The following CSMD1 variants were observed in gnomAD, a reference collection of about 807,000 sequenced individuals.
CSMD1 encodes the protein CUB and sushi domain-containing protein 1.
Under a neutral mutation model 417.5 loss-of-function variants are expected in CSMD1, and 213 were observed. That is an observed-to-expected ratio of 0.51 (90% CI 0.46 to 0.57). CSMD1 has a LOEUF of 0.57. CSMD1 is among the 20% of genes least tolerant of loss of function. CSMD1 has a pLI of 0.00. For missense variants in CSMD1, 6,923 were observed against 4,529.7 expected (o/e 1.53, Z -15.17); for synonymous variants, 2,862 against 1,736.8 (o/e 1.65, Z -16.11).
chr8:4,720,039 T>A (rs770325030), intron 1 of CSMD1, among the ~76,000 whole-genome samples: 1 of 152,082 alleles, frequency 6.6e-6, no homozygotes, highest in African/African-American at 2.4e-5. Flanking sequence ...TTAAATATTT[T>A]AAAGAAATTA....
chr8:3,586,308 A>C, intron 8 of CSMD1, 48 bp from the exon 9 acceptor site: 2 of 1,485,886 alleles, frequency 1.3e-6, no homozygotes, highest in Non-Finnish European at 1.8e-6. Context: ...TTTACAGAAG[A>C]CTTCTTTAGG....
intron 27 of CSMD1, among the ~76,000 whole-genome samples, chr8:3,229,335 G>A (rs1798693673): frequency 6.6e-6 from 1 of 152,104 alleles, no homozygotes; most frequent in Non-Finnish European, 1.5e-5. Context: ...AGACTTAGAT[G>A]ATATACTCTA....
intron 12 of CSMD1, among the ~76,000 whole-genome samples, chr8:3,433,214 A>T (rs1208125083): frequency 6.6e-6 from 1 of 152,222 alleles, no homozygotes; most frequent in East Asian, 1.9e-4. Context: ...GTGGAACTAC[A>T]GTTGTTGACA....
intron 3 of CSMD1, among the ~76,000 whole-genome samples, chr8:4,063,434 T>A (rs1158324713): frequency 1.3e-5 from 2 of 152,198 alleles, no homozygotes; most frequent in Non-Finnish European, 2.9e-5. Flanking sequence ...ATTAAATGAA[T>A]ACAATGTCCT....
At chr8:4,364,571 T>C (rs1296077881) in intron 3 of CSMD1, among the ~76,000 whole-genome samples, 1 of 17,192 alleles carries the variant, frequency 5.8e-5, no homozygotes. Context: ...ACGCCTGTAA[T>C]CCCAGCACTT....
At chr8:4,775,892 G>C (rs1405435894) in intron 1 of CSMD1, among the ~76,000 whole-genome samples, 2 of 152,184 alleles carry the variant, frequency 1.3e-5, no homozygotes, top group Admixed American at 6.5e-5. Flanking sequence ...AAGGCAGAGA[G>C]AGGACAAGTT....
intron 5 of CSMD1, among the ~76,000 whole-genome samples, chr8:3,768,459 C>T (rs1424752829): frequency 6.6e-6 from 1 of 151,930 alleles, no homozygotes; most frequent in Non-Finnish European, 1.5e-5. Flanking sequence ...AATATATTTC[C>T]AACATATTTT....
At chr8:3,864,129 A>C (rs567786004) in intron 5 of CSMD1, among the ~76,000 whole-genome samples, 1 of 152,338 alleles carries the variant, frequency 6.6e-6, no homozygotes, top group African/African-American at 2.4e-5. Context: ...ATTTTAAAAA[A>C]AAATGTGACC....
At chr8:4,149,573 C>T (rs893731128) in intron 3 of CSMD1, among the ~76,000 whole-genome samples, 11 of 152,150 alleles carry the variant, frequency 7.2e-5, no homozygotes, top group East Asian at 1.9e-4. Context: ...GATCAAAATC[C>T]GAACCAGATT....
chr8:4,031,928 T>C lies in CSMD1; in HGVS notation c.587A>G (p.Asp196Gly). 6.2e-7 allele frequency: 1 copy of C among 1,613,696 alleles called. No homozygotes were observed. The highest frequency in any genetic ancestry group is 8.5e-7 in the Non-Finnish European group (1 of 1,179,798). ...ACCTCTGCAAAAGGGAGCTGGGAAG[T>C]CCCACGATGCACCATTTCCTGGGCT... ...IVSPGNGASW[D>G]FPAPFCRAEG... The change falls in exon 4 of 70, where the codon GAC (aspartate) becomes GGC (glycine). Residue 196 changes from aspartate to glycine, a missense_variant. Physicochemically the swap from Asp to Gly is moderately conservative, Grantham distance 94. Transcript: ENST00000635120.
chr8:4,713,330 G>T (rs1399820095), intron 1 of CSMD1, among the ~76,000 whole-genome samples: 1 of 152,130 alleles, frequency 6.6e-6, no homozygotes, highest in African/African-American at 2.4e-5. Context: ...CCGGTGGTGT[G>T]GTGTCTTGCC....
At chr8:3,305,490 A>C (rs1045108276) in intron 25 of CSMD1, among the ~76,000 whole-genome samples, 14 of 151,916 alleles carry the variant, frequency 9.2e-5, no homozygotes, top group Admixed American at 2.6e-4. Context: ...TTATCATGGG[A>C]GTGGGTTAGC....
chr8:4,168,093 C>T (rs954738649), intron 3 of CSMD1, among the ~76,000 whole-genome samples: 1 of 151,760 alleles, frequency 6.6e-6, no homozygotes, highest in South Asian at 2.1e-4. Flanking sequence ...CGCACCACTG[C>T]TCTCCAGCTT....
intron 11 of CSMD1, among the ~76,000 whole-genome samples, chr8:3,478,120 A>T (rs1040126228): frequency 2.0e-5 from 3 of 152,242 alleles, no homozygotes; most frequent in Non-Finnish European, 4.4e-5. Flanking sequence ...CGCCTCACTC[A>T]AGTATGGCAG....
chr8:4,788,943 T>G lies in CSMD1; in HGVS notation c.86-151385A>C, dbSNP rs564176916. 1.2e-4 allele frequency among the ~76,000 whole-genome samples: 19 copies of G among 152,302 alleles called. No homozygotes were observed. The South Asian group carries it at 3.3e-3, about 27-fold the overall frequency. On this transcript the variant is annotated intron_variant, in intron 1 of 69. Transcript: ENST00000635120. Reference sequence around the variant, plus strand: ...GCATATGAGAAGGACAGACTGTAGATGCAGAGTTCTGACATGAACTGAGAT... The same window carrying G: ...GCATATGAGAAGGACAGACTGTAGAGGCAGAGTTCTGACATGAACTGAGAT...
intron 60 of CSMD1, 62 bp downstream of exon 60, chr8:2,963,160 C>T (rs922995): frequency 6.4e-7 from 1 of 1,565,474 alleles, no homozygotes; most frequent in Non-Finnish European, 8.8e-7. Flanking sequence ...AGGATGTGCC[C>T]TGGTTATCCG....
intron 5 of CSMD1, among the ~76,000 whole-genome samples, chr8:3,985,399 C>G (rs529582376): frequency 8.5e-5 from 13 of 152,210 alleles, no homozygotes; most frequent in African/African-American, 3.1e-4. Context: ...GAATATACAT[C>G]TACCCTCTTG....
chr8:3,953,726 C>G (rs1208660475), intron 5 of CSMD1, among the ~76,000 whole-genome samples: 6 of 152,106 alleles, frequency 3.9e-5, no homozygotes, highest in African/African-American at 1.4e-4. Flanking sequence ...TCAGGAGAAG[C>G]TTCCCCCACA....
chr8:4,342,029 C>G (rs1800505971), intron 3 of CSMD1, among the ~76,000 whole-genome samples: 1 of 152,088 alleles, frequency 6.6e-6, no homozygotes. Flanking sequence ...TCTCAAGATA[C>G]AAATTCTTGA....
Sources: allele counts gnomAD v4.1 joint callset (sites outside exome capture counted in the v4.1 genomes callset), GRCh38; gene constraint gnomAD v4.1.1; transcripts MANE v1.5; gene names NCBI Gene and HGNC (gene_info 2026-07-23, HGNC 2026-07-21).